PPIL6: variants seen among roughly 807,000 people sequenced by gnomAD.
PPIL6 encodes peptidylprolyl isomerase like 6.
In PPIL6, 39 loss-of-function variants were observed where a neutral mutation model predicts 36.8. The observed-to-expected ratio is 1.06, with a 90% confidence interval of 0.82 to 1.38. The LOEUF is 1.38. PPIL6 is among the 40% of genes most tolerant of loss of function. PPIL6 has a pLI of 0.00. For missense variants in PPIL6, 368 were observed against 379.1 expected (o/e 0.97, Z 0.24); for synonymous variants, 123 against 134.1 (o/e 0.92, Z 0.57).
At chr6:109,403,667 T>C (rs910806500) in intron 6 of PPIL6, among the ~76,000 whole-genome samples, 1 of 152,174 alleles carries the variant, frequency 6.6e-6, no homozygotes, top group East Asian at 1.9e-4. Context: ...ACTTTAAAAG[T>C]TGTGATTCAA....
At chr6:109,399,997 G>T (rs551120491) in intron 7 of PPIL6, 38 bp downstream of exon 7, 5 of 1,505,290 alleles carry the variant, frequency 3.3e-6, no homozygotes, top group African/African-American at 1.4e-5. Flanking sequence ...ATTTTTACAG[G>T]TGTGAATATT....
chr6:109,410,824 G>T (rs1453437459), intron 6 of PPIL6, among the ~76,000 whole-genome samples: 1 of 152,102 alleles, frequency 6.6e-6, no homozygotes, highest in Non-Finnish European at 1.5e-5. Context: ...ACATATAAGG[G>T]AAAAACAACT....
rs58424410 is a variant in PPIL6, at chr6:109,431,362, C to CAAA, written c.232-20_232-18dup. 7.6e-3 allele frequency: 8,147 copies of CAAA among 1,071,364 alleles called. 190 individuals carry two copies. In the African/African-American group the frequency reaches 0.088, roughly 12 times the overall value. 66.4% of individuals were successfully genotyped at this position (1,071,364 alleles called of 1,614,324 possible). Reference sequence around the variant, plus strand: ...TTTGAGTTCCTGTAAGGGAAAAGGACAAAAAAAAAAAAAAACGTAAGAAGT... The same window carrying CAAA: ...TTTGAGTTCCTGTAAGGGAAAAGGACAAAAAAAAAAAAAAAAAACGTAAGAAGT... On this transcript the variant is annotated splice_polypyrimidine_tract_variant and intron_variant, in intron 2 of 7. Transcript: ENST00000521072.
intron 7 of PPIL6, among the ~76,000 whole-genome samples, chr6:109,399,438 CT>C (rs1772437014): frequency 6.6e-6 from 1 of 150,922 alleles, no homozygotes; most frequent in African/African-American, 2.4e-5. Context: ...CAGAGTCTTG[CT>C]GTGTCACCCC....
chr6:109,422,163 A>G (rs953686533), intron 5 of PPIL6, among the ~76,000 whole-genome samples: 1 of 152,112 alleles, frequency 6.6e-6, no homozygotes, highest in Non-Finnish European at 1.5e-5. Flanking sequence ...AGCGTGAGCC[A>G]CCGTGCCTGG....
rs369348722 is a variant in PPIL6, at chr6:109,414,755, A to G, written c.688+4432T>C. Among the ~76,000 whole-genome samples the G allele has an allele frequency of 4.6e-5, 7 of 152,014 alleles. No homozygotes were observed. The South Asian group carries it at 8.3e-4, about 18-fold the overall frequency. On this transcript the variant is annotated intron_variant, in intron 6 of 7. Transcript: ENST00000521072. ...GTTTTGATCTACAGTTGACCCTTAA[A>G]CAATGCGGGGGGTTAGGGACACCAA...
chr6:109,428,712 G>GC (rs1247907369), intron 3 of PPIL6, among the ~76,000 whole-genome samples: 2 of 151,754 alleles, frequency 1.3e-5, no homozygotes, highest in African/African-American at 2.4e-5. Flanking sequence ...GTGCTATCTG[G>GC]CATCTAGCAA....
Position 109,436,115 on chromosome 6 carries a change from C to A in PPIL6, c.220G>T (p.Glu74Ter). The A allele has an allele frequency of 6.4e-7, 1 of 1,554,162 alleles. No individual in the cohort carries two copies. Among genetic ancestry groups the A allele is most frequent in the South Asian group, 1.1e-5 (1 of 89,070 alleles). ...CAAATATCCTTTACCCTTTTTTTCT[C>A]CTGTAGATATTGATGCCATGCAAAT... ...QEFAWHQYLQ[E>*]KKRELKNETW... Residue 74 changes from glutamate (E) to a stop codon, truncating the protein, a stop_gained, in exon 2 of 8, where the codon GAG (glutamate) becomes TAG (stop). Coordinates refer to ENST00000521072, the MANE Select transcript of PPIL6 (RefSeq NM_173672.5). LOFTEE classifies it high-confidence loss of function.
At chr6:109,414,013 C>CA (rs139165068) in intron 6 of PPIL6, among the ~76,000 whole-genome samples, 3,607 of 146,024 alleles carry the variant, frequency 0.025, 160 homozygotes, top group African/African-American at 0.086. Flanking sequence ...TTAATAGGCA[C>CA]AAAAAAAAAG....
chr6:109,422,021 C>T (rs13202785), intron 5 of PPIL6, among the ~76,000 whole-genome samples: 6 of 152,226 alleles, frequency 3.9e-5, no homozygotes, highest in East Asian at 1.9e-4. Context: ...GGACTATAGG[C>T]GCATGCCACC....
intron 6 of PPIL6, among the ~76,000 whole-genome samples, chr6:109,418,794 G>A (rs1773396063): frequency 6.6e-6 from 1 of 151,940 alleles, no homozygotes; most frequent in African/African-American, 2.4e-5. Flanking sequence ...CACCCACCTC[G>A]GCCTCCCAAA....
chr6:109,397,646 G>T (rs1465216783), intron 7 of PPIL6, among the ~76,000 whole-genome samples: 1 of 152,168 alleles, frequency 6.6e-6, no homozygotes, highest in Non-Finnish European at 1.5e-5. Context: ...AACAAAGGAT[G>T]TGGGGCCAGA....
chr6:109,409,281 G>A (rs941481668), intron 6 of PPIL6, among the ~76,000 whole-genome samples: 1 of 152,176 alleles, frequency 6.6e-6, no homozygotes, highest in African/African-American at 2.4e-5. Context: ...AAGAGGTCAG[G>A]TCAGGTGCGG....
chr6:109,421,928 G>A (rs1409311540), intron 5 of PPIL6, among the ~76,000 whole-genome samples: 1 of 152,128 alleles, frequency 6.6e-6, no homozygotes, highest in Non-Finnish European at 1.5e-5. Context: ...CCAGGCTGGA[G>A]TGCAGTGGCA....
chr6:109,393,611 C>G (rs1316853021), intron 7 of PPIL6, among the ~76,000 whole-genome samples: 1 of 152,154 alleles, frequency 6.6e-6, no homozygotes, highest in Non-Finnish European at 1.5e-5. Flanking sequence ...AGGATGAAGA[C>G]TATAAGTCCC....
rs545227403 is a variant in PPIL6 at position 109,401,912 on chromosome 6, A to C, written c.689-1742T>G. Reference sequence around the variant, plus strand: ...CTAATTTTTTGTATTTTTAGTGGAAACAGGGTTTCACCGTGTTTGCTAGGA... The same window carrying C: ...CTAATTTTTTGTATTTTTAGTGGAACCAGGGTTTCACCGTGTTTGCTAGGA... On this transcript the variant is annotated intron_variant, in intron 6 of 7. Coordinates refer to ENST00000521072, the MANE Select transcript of PPIL6 (RefSeq NM_173672.5). 1.2e-4 allele frequency among the ~76,000 whole-genome samples: 19 copies of C among 152,004 alleles called. No individual in the cohort carries two copies. In the South Asian group the frequency reaches 2.1e-3, roughly 17 times the overall value.
rs987658949 is a variant in PPIL6, at chr6:109,413,347, A to C, written c.688+5840T>G. The stretch of plus-strand genomic sequence containing the variant: ...AAAAGAAGACATACAAATGGCAAAC[A>C]GGCATATGAAAAGGTGCTCAACACC... On this transcript the variant is annotated intron_variant, in intron 6 of 7. Transcript: ENST00000521072. This position sits in a 1 kb window ranked among gnomAD's most constrained non-coding sequence, Gnocchi z 4.6. Among the ~76,000 whole-genome samples, 1 of 152,240 alleles carries C rather than the reference A, an allele frequency of 6.6e-6. No homozygotes were observed. The highest frequency in any genetic ancestry group is 2.4e-5 in the African/African-American group (1 of 41,472).
At chr6:109,440,405 A>G in intron 1 of PPIL6, 51 bp downstream of exon 1, 1 of 1,525,618 alleles carries the variant, frequency 6.6e-7, no homozygotes, top group Non-Finnish European at 8.8e-7. Flanking sequence ...CACGCGGCCG[A>G]GAGCGGGTAG....
intron 6 of PPIL6, among the ~76,000 whole-genome samples, chr6:109,415,160 A>T (rs1773192741): frequency 6.6e-6 from 1 of 152,190 alleles, no homozygotes; most frequent in Non-Finnish European, 1.5e-5. Context: ...GGTCACACTC[A>T]GTGTTAACTT....
Sources: allele counts gnomAD v4.1 joint callset (sites outside exome capture counted in the v4.1 genomes callset), GRCh38; gene constraint gnomAD v4.1.1; non-coding constraint Gnocchi (gnomAD v3.1); transcripts MANE v1.5; gene names NCBI Gene and HGNC (gene_info 2026-07-23, HGNC 2026-07-21).